Variants in CNTNAP4 observed in about 807,000 individuals in gnomAD.
CNTNAP4 encodes contactin-associated protein-like 4.
In CNTNAP4, 98 loss-of-function variants were observed where a neutral mutation model predicts 148.4. The observed-to-expected ratio is 0.66, with a 90% CI of 0.56 to 0.78. The LOEUF is 0.78. Ranked by LOEUF, CNTNAP4 falls within the 30% of genes least tolerant of loss-of-function variation. The pLI is 0.00. For synonymous variants in CNTNAP4, 730 were observed against 565.1 expected, an observed-to-expected ratio of 1.29 and a Z score of -4.14; for missense variants, 1,935 against 1,565.6, an observed-to-expected ratio of 1.24 and a Z score of -3.98.
chr16:76,365,278 C>T (rs1392118148), intron 3 of CNTNAP4, among the ~76,000 whole-genome samples: 1 of 152,056 alleles, frequency 6.6e-6, no homozygotes, highest in East Asian at 1.9e-4. Context: ...GTTACTGTAG[C>T]CTTGTAGTAT....
At chr16:76,390,008 T>C (rs2016838081) in intron 3 of CNTNAP4, among the ~76,000 whole-genome samples, 2 of 152,080 alleles carry the variant, frequency 1.3e-5, no homozygotes, top group East Asian at 3.9e-4. Context: ...GGTTTGCAAT[T>C]TGAGCAACTG....
intron 8 of CNTNAP4, among the ~76,000 whole-genome samples, chr16:76,460,865 G>C (rs538387177): frequency 6.8e-6 from 1 of 147,020 alleles, no homozygotes; most frequent in South Asian, 2.2e-4. Flanking sequence ...TAAAAAGTCT[G>C]TGAACACTGA....
intron 13 of CNTNAP4, 110 bp from the exon 14 acceptor site, chr16:76,494,800 C>T: frequency 1.7e-6 from 2 of 1,164,658 alleles, no homozygotes; most frequent in Non-Finnish European, 2.4e-6. Flanking sequence ...CAATCTTTCT[C>T]CTTTTCTCCT....
At chr16:76,409,715 T>G (rs1290403618) in intron 3 of CNTNAP4, among the ~76,000 whole-genome samples, 2 of 152,146 alleles carry the variant, frequency 1.3e-5, no homozygotes, top group East Asian at 3.9e-4. Flanking sequence ...TAAATAATTA[T>G]TTGGCTTTAT....
chr16:76,533,590 T>C (rs937481337), intron 17 of CNTNAP4, among the ~76,000 whole-genome samples: 3 of 152,030 alleles, frequency 2.0e-5, no homozygotes, highest in Admixed American at 6.6e-5. Flanking sequence ...CCCATAAATA[T>C]GAACAATTAT....
chr16:76,278,014 A>C (rs551384700), intron 1 of CNTNAP4, among the ~76,000 whole-genome samples: 1 of 152,208 alleles, frequency 6.6e-6, no homozygotes, highest in Non-Finnish European at 1.5e-5. Flanking sequence ...AGAATGCCCA[A>C]GTTCTAGTAA....
Position 76,479,474 on chromosome 16 carries a change from T to G in CNTNAP4, c.1818T>G (p.Phe606Leu). The change falls in exon 12 of 24, where the codon TTT (phenylalanine) becomes TTG (leucine). Residue 606 changes from phenylalanine (F) to leucine (L), a missense_variant. Transcript: ENST00000611870. ...AGCACAGAGGAAATACTTCAGGGTT[T>G]TACTATATAGATTCAGATGGAAGTG... ...AYKHRGNTSG[F>L]YYIDSDGSGP... 6.2e-7 allele frequency: 1 copy of G among 1,611,300 alleles called. No homozygotes were observed.
At chr16:76,430,712 A>T (rs2079575877) in intron 4 of CNTNAP4, among the ~76,000 whole-genome samples, 1 of 152,180 alleles carries the variant, frequency 6.6e-6, no homozygotes, top group South Asian at 2.1e-4. Context: ...AACGTGACTC[A>T]GGTGCGCTTC....
chr16:76,458,719 C>T (rs1392165703), intron 8 of CNTNAP4, among the ~76,000 whole-genome samples: 4 of 152,324 alleles, frequency 2.6e-5, no homozygotes, highest in Admixed American at 6.5e-5. Flanking sequence ...CAGCCACTCA[C>T]CTTCTGCTGT....
Position 76,554,036 on chromosome 16 carries a change from T to C in CNTNAP4, c.3733+129T>C, listed in dbSNP as rs772142784. On this transcript the variant is annotated intron_variant, in intron 23 of 23. Transcript: ENST00000611870. The stretch of plus-strand genomic sequence containing the variant: ...TGCCAGGCACTGAATCCTGAGGTCA[T>C]TGGGGTGATTTACTATTTGTACTGG... 843 of 564,668 alleles carry C rather than the reference T, an allele frequency of 1.5e-3. 3 individuals carry two copies. Among genetic ancestry groups the C allele is most frequent in the Non-Finnish European group, 1.5e-3 (487 of 321,098 alleles). 35.0% of individuals were successfully genotyped at this position (564,668 alleles called of 1,614,324 possible). A position where few individuals can be genotyped will look rare whatever the true frequency, so the allele number is the denominator to read the frequency against.
chr16:76,458,233 T>A (rs753076332), intron 8 of CNTNAP4, among the ~76,000 whole-genome samples: 4 of 152,170 alleles, frequency 2.6e-5, no homozygotes, highest in Non-Finnish European at 5.9e-5. Context: ...GTCTCTGCTA[T>A]TGTAAATAAT....
At chr16:76,525,933 T>C (rs7187671) in intron 17 of CNTNAP4, among the ~76,000 whole-genome samples, 10,173 of 150,790 alleles carry the variant, frequency 0.067, 385 homozygotes, top group Non-Finnish European at 0.081. Context: ...TATTTACATA[T>C]AGTTCATATA....
At chr16:76,409,698 C>A (rs2078724062) in intron 3 of CNTNAP4, among the ~76,000 whole-genome samples, 1 of 151,996 alleles carries the variant, frequency 6.6e-6, no homozygotes, top group South Asian at 2.1e-4. Context: ...ATATTGTCTA[C>A]TATGTTTAAA....
At chr16:76,382,570 A>C (rs2016086214) in intron 3 of CNTNAP4, among the ~76,000 whole-genome samples, 1 of 152,218 alleles carries the variant, frequency 6.6e-6, no homozygotes, top group African/African-American at 2.4e-5. Flanking sequence ...AATCAGAAAG[A>C]TTAAGTAGAT....
chr16:76,447,338 G>A (rs867469612), intron 4 of CNTNAP4, among the ~76,000 whole-genome samples: 1 of 117,390 alleles, frequency 8.5e-6, no homozygotes, highest in Non-Finnish European at 1.9e-5. Flanking sequence ...ATGAAATTAT[G>A]TATATATATA....
intron 4 of CNTNAP4, among the ~76,000 whole-genome samples, chr16:76,432,083 A>G (rs1427486311): frequency 6.6e-6 from 1 of 152,156 alleles, no homozygotes; most frequent in East Asian, 1.9e-4. Flanking sequence ...GTGAAGTGCT[A>G]TGTTTGATCG....
intron 3 of CNTNAP4, among the ~76,000 whole-genome samples, chr16:76,414,324 T>C (rs1023108420): frequency 2.0e-5 from 3 of 151,584 alleles, no homozygotes; most frequent in African/African-American, 4.8e-5. Flanking sequence ...ATAAATTACA[T>C]TGAATGACTT....
At chr16:76,379,906 T>C (rs189811022) in intron 3 of CNTNAP4, among the ~76,000 whole-genome samples, 1 of 152,220 alleles carries the variant, frequency 6.6e-6, no homozygotes, top group African/African-American at 2.4e-5. Flanking sequence ...TTCAAAGATA[T>C]GCTTAACTTC....
At chr16:76,490,156 C>T (rs778696353) in intron 13 of CNTNAP4, among the ~76,000 whole-genome samples, 30 of 152,178 alleles carry the variant, frequency 2.0e-4, no homozygotes, top group Non-Finnish European at 3.8e-4. Flanking sequence ...ACAGCAAAGG[C>T]CTCCTTCTGA....
Sources: gnomAD v4.1 joint callset for allele counts (sites outside exome capture counted in the v4.1 genomes callset) on GRCh38, gnomAD v4.1.1 for gene constraint, MANE v1.5 for transcripts, NCBI Gene and HGNC (gene_info 2026-07-23, HGNC 2026-07-21) for gene names.